The following NDUFS4 variants were observed in gnomAD, a reference collection of about 807,000 sequenced individuals.
NDUFS4 encodes the protein NADH:ubiquinone oxidoreductase subunit S4.
A neutral mutation model predicts 24.3 loss-of-function variants in NDUFS4; 28 were observed. The observed-to-expected ratio is 1.15, with a 90% CI of 0.85 to 1.58. The LOEUF is 1.58. Ranked by LOEUF, NDUFS4 falls within the 40% of genes most tolerant of loss-of-function variation. The pLI is 0.00. For synonymous variants in NDUFS4, 93 were observed against 69.7 expected (o/e 1.34, Z -1.67); for missense variants, 223 against 207.9 (o/e 1.07, Z -0.45).
At chr5:53,585,984 TGGC>T (rs1749740212) in intron 1 of NDUFS4, among the ~76,000 whole-genome samples, 1 of 152,130 alleles carries the variant, frequency 6.6e-6, no homozygotes, top group Non-Finnish European at 1.5e-5. Flanking sequence ...TATTTTAAAA[TGGC>T]ATTGCTTTGC....
intron 2 of NDUFS4, among the ~76,000 whole-genome samples, chr5:53,605,327 A>T (rs997795102): frequency 6.6e-6 from 1 of 152,138 alleles, no homozygotes; most frequent in African/African-American, 2.4e-5. Flanking sequence ...AATTTTTCCT[A>T]TGAGCATCTT....
At chr5:53,627,902 G>C (rs11949787) in intron 2 of NDUFS4, among the ~76,000 whole-genome samples, 65,701 of 151,878 alleles carry the variant, frequency 0.43, 14,876 homozygotes, top group Admixed American at 0.51. Context: ...GCCCTGACCA[G>C]AGCTTCCAGT....
intron 2 of NDUFS4, among the ~76,000 whole-genome samples, chr5:53,616,987 A>T (rs1284798777): frequency 6.6e-6 from 1 of 152,170 alleles, no homozygotes; most frequent in African/African-American, 2.4e-5. Flanking sequence ...GAAAGGCAGT[A>T]TTGGGACCAG....
chr5:53,661,482 G>A (rs997033675), intron 4 of NDUFS4, among the ~76,000 whole-genome samples: 11 of 152,062 alleles, frequency 7.2e-5, no homozygotes, highest in African/African-American at 7.2e-5. Flanking sequence ...TTGGCAATGC[G>A]GGCTCTTTTT....
intron 2 of NDUFS4, among the ~76,000 whole-genome samples, chr5:53,607,847 G>T (rs1199859892): frequency 6.6e-6 from 1 of 152,166 alleles, no homozygotes; most frequent in African/African-American, 2.4e-5. Flanking sequence ...CCTCCATTAA[G>T]CTAGATAGTA....
At chr5:53,638,928 A>G (rs1289119759) in intron 2 of NDUFS4, among the ~76,000 whole-genome samples, 1 of 152,060 alleles carries the variant, frequency 6.6e-6, no homozygotes, top group Non-Finnish European at 1.5e-5. Flanking sequence ...AGTCTCAGCC[A>G]TCTTTGACCA....
chr5:53,600,892 A>C (rs1750292492), intron 1 of NDUFS4, among the ~76,000 whole-genome samples: 1 of 151,900 alleles, frequency 6.6e-6, no homozygotes, highest in Non-Finnish European at 1.5e-5. Context: ...AAAAATTTTT[A>C]CTGTAACTTT....
At chr5:53,622,715 C>CT (rs910148860) in intron 2 of NDUFS4, among the ~76,000 whole-genome samples, 1 of 152,060 alleles carries the variant, frequency 6.6e-6, no homozygotes, top group African/African-American at 2.4e-5. Context: ...TTCCAGTTTC[C>CT]TTTTTTGAAA....
At chr5:53,624,003 C>T (rs1751141932) in intron 2 of NDUFS4, among the ~76,000 whole-genome samples, 1 of 152,168 alleles carries the variant, frequency 6.6e-6, no homozygotes, top group African/African-American at 2.4e-5. Context: ...AGGCATGAGC[C>T]ACCACGCCCG....
intron 1 of NDUFS4, among the ~76,000 whole-genome samples, chr5:53,599,041 A>C (rs540438090): frequency 2.0e-5 from 3 of 152,322 alleles, no homozygotes; most frequent in African/African-American, 7.2e-5. Flanking sequence ...GTTTGTCAAA[A>C]ATGAATATTA....
chr5:53,627,481 A>C (rs1257268738), intron 2 of NDUFS4, among the ~76,000 whole-genome samples: 1 of 151,958 alleles, frequency 6.6e-6, no homozygotes, highest in Non-Finnish European at 1.5e-5. Flanking sequence ...CAGTATGTTT[A>C]TTTTCACGAT....
At chr5:53,660,447 C>T (rs1274263138) in intron 4 of NDUFS4, among the ~76,000 whole-genome samples, 2 of 152,018 alleles carry the variant, frequency 1.3e-5, no homozygotes, top group African/African-American at 4.8e-5. Context: ...GTGAATAGTG[C>T]CGCAGTAAAC....
chr5:53,668,181 G>A (rs1579938345), intron 4 of NDUFS4, among the ~76,000 whole-genome samples: 1 of 152,058 alleles, frequency 6.6e-6, no homozygotes, highest in South Asian at 2.1e-4. Flanking sequence ...AAGTATATTA[G>A]CTTTTGACAG....
chr5:53,655,017 ATTGG>A (rs1174824525), intron 3 of NDUFS4, among the ~76,000 whole-genome samples: 1 of 152,218 alleles, frequency 6.6e-6, no homozygotes, highest in Non-Finnish European at 1.5e-5. Context: ...TTGATATTTT[ATTGG>A]TTTACTGATG....
At chr5:53,638,725 A>G (rs1751624418) in intron 2 of NDUFS4, among the ~76,000 whole-genome samples, 1 of 152,142 alleles carries the variant, frequency 6.6e-6, no homozygotes, top group South Asian at 2.1e-4. Flanking sequence ...AATTATCTTG[A>G]TAAAACACAA....
At chr5:53,598,306 T>A (rs868735413) in intron 1 of NDUFS4, among the ~76,000 whole-genome samples, 1 of 152,178 alleles carries the variant, frequency 6.6e-6, no homozygotes, top group South Asian at 2.1e-4. Context: ...CACATGAATG[T>A]TTTTAGCAAA....
chr5:53,640,633 A>G (rs1358741297), intron 2 of NDUFS4, among the ~76,000 whole-genome samples: 1 of 152,098 alleles, frequency 6.6e-6, no homozygotes, highest in Non-Finnish European at 1.5e-5. Context: ...GCAGAAACTA[A>G]TAGAGCAAGA....
intron 1 of NDUFS4, among the ~76,000 whole-genome samples, chr5:53,589,563 A>G (rs1205159026): frequency 6.6e-6 from 1 of 152,226 alleles, no homozygotes; most frequent in Non-Finnish European, 1.5e-5. Flanking sequence ...AAGAAGTGGC[A>G]ATGGGAGTGT....
At chr5:53,675,667 C>A in intron 4 of NDUFS4, among the ~76,000 whole-genome samples, 1 of 152,136 alleles carries the variant, frequency 6.6e-6, no homozygotes, top group East Asian at 1.9e-4. Context: ...TTTCTGAGGA[C>A]AAATTATTAA....
Sources: gnomAD v4.1 joint callset for allele counts (sites outside exome capture counted in the v4.1 genomes callset) on GRCh38, gnomAD v4.1.1 for gene constraint, MANE v1.5 for transcripts, NCBI Gene and HGNC (gene_info 2026-07-23, HGNC 2026-07-21) for gene names.